The following ATP6V1C2 variants were observed in gnomAD, a reference collection of about 807,000 sequenced individuals.
ATP6V1C2 encodes the protein ATPase H+ transporting V1 subunit C2.
A neutral mutation model predicts 56.8 loss-of-function variants in ATP6V1C2; 45 were observed. The observed-to-expected ratio is 0.79, with a 90% CI of 0.62 to 1.02. The LOEUF (loss-of-function observed/expected upper bound fraction) is 1.02. Among genes scored for constraint, ATP6V1C2 ranks in the 50% least tolerant of loss-of-function variants. The pLI is 0.00. For missense variants in ATP6V1C2, 463 were observed against 519.7 expected, an observed-to-expected ratio of 0.89 and a Z score of 1.06; for synonymous variants, 220 against 201.3, an observed-to-expected ratio of 1.09 and a Z score of -0.79.
chr2:10,752,828 T>G (rs1174025489), intron 3 of ATP6V1C2, among the ~76,000 whole-genome samples: 1 of 152,086 alleles, frequency 6.6e-6, no homozygotes, highest in East Asian at 1.9e-4. Context: ...AAACCCCGTC[T>G]CTACTAAAAA....
intron 3 of ATP6V1C2, among the ~76,000 whole-genome samples, chr2:10,731,509 A>G (rs936906784): frequency 1.3e-5 from 2 of 152,198 alleles, no homozygotes; most frequent in African/African-American, 4.8e-5. Flanking sequence ...GACACATATT[A>G]ATAAAATAAT....
chr2:10,761,808 G>A (rs1258366848), intron 4 of ATP6V1C2, among the ~76,000 whole-genome samples: 1 of 152,218 alleles, frequency 6.6e-6, no homozygotes, highest in Non-Finnish European at 1.5e-5. Context: ...GTGCCTCAGA[G>A]GTACTCTCGT....
At chr2:10,730,755 C>T (rs1186947304) in intron 3 of ATP6V1C2, among the ~76,000 whole-genome samples, 3 of 149,330 alleles carry the variant, frequency 2.0e-5, no homozygotes, top group East Asian at 4.0e-4. Context: ...TGGGTTAAAG[C>T]GATTCTCCTG....
At chr2:10,782,512 C>A in intron 13 of ATP6V1C2, 137 bp downstream of exon 13, 1 of 992,692 alleles carries the variant, frequency 1.0e-6, no homozygotes, top group African/African-American at 1.6e-5. Flanking sequence ...CCAGCCTAGC[C>A]AACATGGTAA....
intron 3 of ATP6V1C2, among the ~76,000 whole-genome samples, chr2:10,751,025 G>A (rs1663185281): frequency 6.6e-6 from 1 of 152,204 alleles, no homozygotes; most frequent in Non-Finnish European, 1.5e-5. Flanking sequence ...TGAATTTATG[G>A]AGTCAGGGTC....
chr2:10,724,609 T>C (rs972956783), intron 2 of ATP6V1C2, among the ~76,000 whole-genome samples: 3 of 151,740 alleles, frequency 2.0e-5, no homozygotes, highest in African/African-American at 7.3e-5. Flanking sequence ...TGCTTAAAAT[T>C]AAGTTACTTG....
intron 3 of ATP6V1C2, among the ~76,000 whole-genome samples, chr2:10,750,677 C>A (rs147346704): frequency 6.6e-6 from 1 of 152,216 alleles, no homozygotes; most frequent in Non-Finnish European, 1.5e-5. Context: ...ATTCGGCAGA[C>A]ATTGCTGAGC....
At chr2:10,741,566 C>T (rs988360110) in intron 3 of ATP6V1C2, among the ~76,000 whole-genome samples, 16 of 152,090 alleles carry the variant, frequency 1.1e-4, no homozygotes, top group Admixed American at 5.2e-4. Context: ...CGGGCACTGG[C>T]GGGCCTGGGG....
At chr2:10,781,686 A>G (rs1665367795) in intron 12 of ATP6V1C2, among the ~76,000 whole-genome samples, 2 of 152,180 alleles carry the variant, frequency 1.3e-5, no homozygotes, top group South Asian at 2.1e-4. Context: ...GTATAAAAAT[A>G]CATCAACAAT....
intron 3 of ATP6V1C2, among the ~76,000 whole-genome samples, chr2:10,737,319 A>C (rs1662306697): frequency 6.6e-6 from 1 of 150,780 alleles, no homozygotes; most frequent in East Asian, 2.0e-4. Flanking sequence ...AATCCCAGCT[A>C]CTAGGGAGGC....
At chr2:10,730,373 C>A (rs945049096) in intron 3 of ATP6V1C2, among the ~76,000 whole-genome samples, 1 of 152,168 alleles carries the variant, frequency 6.6e-6, no homozygotes, top group Admixed American at 6.5e-5. Flanking sequence ...GCTTCAGCCT[C>A]CCAAAGTGTT....
rs544276209 is a variant in ATP6V1C2 at position 10,784,354 on chromosome 2, G to T, written c.*1091G>T. On this transcript the variant is annotated 3_prime_UTR_variant, in exon 14 of 14. Transcript: ENST00000272238. ...GGGAGACGACAGAAAGCCACTGTTA[G>T]ATCTGCAGAAGGGGACACCCTGGAA... 2 of 1,593,820 alleles carry T rather than the reference G, an allele frequency of 1.3e-6. No individual in the cohort carries two copies. The highest frequency in any genetic ancestry group is 1.3e-5 in the African/African-American group (1 of 74,520).
chr2:10,779,621 G>A (rs1665222063), intron 12 of ATP6V1C2, among the ~76,000 whole-genome samples: 1 of 148,010 alleles, frequency 6.8e-6, no homozygotes, highest in South Asian at 2.2e-4. Flanking sequence ...CGGAGCCGGA[G>A]GTTGCAGTGA....
At position 10,785,080 on chromosome 2, in the gene ATP6V1C2, G is replaced by T; in HGVS notation, c.*1817G>T. 8.1e-7 allele frequency: 1 copy of T among 1,236,040 alleles called. No homozygotes were observed. The highest frequency in any genetic ancestry group is 1.2e-6 in the Non-Finnish European group (1 of 860,440). The allele number at this position is 1,236,040 out of a possible 1,614,324, so 76.6% of individuals were successfully genotyped here. A position where few individuals can be genotyped will look rare whatever the true frequency, so the allele number is the denominator to read the frequency against. On this transcript the variant is annotated 3_prime_UTR_variant, in exon 14 of 14. Coordinates refer to ENST00000272238, the MANE Select transcript of ATP6V1C2 (RefSeq NM_001039362.2). ...ACACACACATTTACAATGGACTGCT[G>T]GTGCAGAAGAATAAACAACTTTAAA...
chr2:10,767,914 A>G (rs1664334938), intron 5 of ATP6V1C2: 1 of 152,110 alleles, frequency 6.6e-6, no homozygotes, highest in African/African-American at 2.4e-5. Context: ...AAAGGTAACC[A>G]ATGTTTAAAA....
chr2:10,730,881 G>C, intron 3 of ATP6V1C2, among the ~76,000 whole-genome samples: 1 of 152,100 alleles, frequency 6.6e-6, no homozygotes, highest in Non-Finnish European at 1.5e-5. Context: ...TCAAACTCCC[G>C]ATCTCAGGTG....
At chr2:10,752,073 AC>A (rs751752494) in intron 3 of ATP6V1C2, among the ~76,000 whole-genome samples, 12 of 151,688 alleles carry the variant, frequency 7.9e-5, no homozygotes, top group Non-Finnish European at 1.2e-4. Context: ...CAAAAAAAAA[AC>A]AACAACAACA....
Position 10,784,955 on chromosome 2 carries a change from A to G in ATP6V1C2, c.*1692A>G. 2 of 1,589,508 alleles carry G rather than the reference A, an allele frequency of 1.3e-6. No individual in the cohort carries two copies. Among genetic ancestry groups the G allele is most frequent in the Non-Finnish European group, 1.7e-6 (2 of 1,166,570 alleles). Reference sequence around the variant, plus strand: ...TCACCTCGCCATCCCTGCCGTCCCAAGGCTCTCTCTCAACGATGGTAGGGA... The same window carrying G: ...TCACCTCGCCATCCCTGCCGTCCCAGGGCTCTCTCTCAACGATGGTAGGGA... On this transcript the variant is annotated 3_prime_UTR_variant, in exon 14 of 14. Transcript: ENST00000272238.
chr2:10,774,948 A>G (rs1664864780), intron 9 of ATP6V1C2, 30 bp from the exon 10 acceptor site: 1 of 1,612,390 alleles, frequency 6.2e-7, no homozygotes, highest in Admixed American at 1.7e-5. Context: ...AAAGCTTCTG[A>G]GTGAAAACCC....
Sources: allele counts gnomAD v4.1 joint callset (sites outside exome capture counted in the v4.1 genomes callset), GRCh38; gene constraint gnomAD v4.1.1; transcripts MANE v1.5; gene names NCBI Gene and HGNC (gene_info 2026-07-23, HGNC 2026-07-21).